DMD: variants seen among roughly 807,000 people sequenced by gnomAD.
DMD encodes the protein dystrophin.
A neutral mutation model predicts 330.1 loss-of-function variants in DMD; 63 were observed. The observed-to-expected ratio is 0.19, with a 90% CI of 0.16 to 0.24. DMD has a LOEUF of 0.24. Among genes scored for constraint, DMD ranks in the 10% least tolerant of loss-of-function variants. DMD has a pLI of 1.00. For missense variants in DMD, 3,344 were observed against 2,684.1 expected, an observed-to-expected ratio of 1.25 and a Z score of -5.43; for synonymous variants, 1,223 against 959.8, an observed-to-expected ratio of 1.27 and a Z score of -5.07.
chrX:32,164,352 T>C (rs1782390516), intron 44 of DMD, among the ~76,000 whole-genome samples: 1 of 111,715 alleles, frequency 9.0e-6, no homozygotes, highest in African/African-American at 3.3e-5. Flanking sequence ...AAAATGCTGA[T>C]AGTGATACGA....
intron 1 of DMD, among the ~76,000 whole-genome samples, chrX:33,031,258 A>C (rs1215801928): frequency 1.8e-5 from 2 of 109,134 alleles, no homozygotes; most frequent in African/African-American, 3.4e-5. Flanking sequence ...TCCCAGGGGC[A>C]ACCCTCAATA....
chrX:31,737,750 T>G (rs1195842145), intron 51 of DMD, among the ~76,000 whole-genome samples: 1 of 111,358 alleles, frequency 9.0e-6, no homozygotes, highest in Non-Finnish European at 1.9e-5. Context: ...TTGAAACAAA[T>G]CAGTGAAGGA....
chrX:32,811,690 A>C (rs755304728), intron 6 of DMD, among the ~76,000 whole-genome samples: 2 of 112,229 alleles, frequency 1.8e-5, no homozygotes, highest in East Asian at 5.6e-4. Context: ...AAGGATTTTA[A>C]ATTTAATGAG....
chrX:32,091,112 AAAG>A (rs1162042137), intron 44 of DMD, among the ~76,000 whole-genome samples: 1 of 111,983 alleles, frequency 8.9e-6, no homozygotes, highest in African/African-American at 3.2e-5. Context: ...GATTTTTTTC[AAAG>A]AAGAGAAGAG....
intron 62 of DMD, among the ~76,000 whole-genome samples, chrX:31,287,135 G>A (rs888999951): frequency 8.0e-5 from 9 of 112,364 alleles, no homozygotes; most frequent in African/African-American, 2.9e-4. Context: ...CACAGCCTAG[G>A]AGGCCTGGGT....
intron 44 of DMD, among the ~76,000 whole-genome samples, chrX:32,003,923 A>G (rs1241442938): frequency 9.0e-6 from 1 of 111,689 alleles, no homozygotes; most frequent in East Asian, 2.8e-4. Context: ...GCCATTTGCT[A>G]AGAAAAATAA....
rs184812592 is a variant in DMD, at chrX:31,434,712, G to A, written c.9084+9769C>T. Among the ~76,000 whole-genome samples, 48 of 111,089 alleles carry A rather than the reference G, an allele frequency of 4.3e-4. No individual in the cohort carries two copies. The South Asian group carries it at 7.6e-3, about 18-fold the overall frequency. ...AATGATTGAACAAAGGAGGATTTCCGTTCACTTCAGCAAGACTTTGATGAT... is the reference window on the plus strand; with the variant it reads ...AATGATTGAACAAAGGAGGATTTCCATTCACTTCAGCAAGACTTTGATGAT... On this transcript the variant is annotated intron_variant, in intron 60 of 78. Coordinates refer to ENST00000357033, the MANE Select transcript of DMD (RefSeq NM_004006.3).
intron 62 of DMD, among the ~76,000 whole-genome samples, chrX:31,298,390 A>AACACACACACACACACACATAC (rs1556458386): frequency 2.5e-5 from 2 of 81,399 alleles, no homozygotes; most frequent in Non-Finnish European, 4.5e-5. Context: ...TTAGAATTCA[A>AACACACACACACACACACATAC]ACACACACAC....
At chrX:31,676,623 A>G (rs760482382) in intron 53 of DMD, among the ~76,000 whole-genome samples, 1 of 111,946 alleles carries the variant, frequency 8.9e-6, no homozygotes, top group East Asian at 2.8e-4. Flanking sequence ...TGGAAGAGGA[A>G]GCCTGTGAGG....
Position 31,662,830 on chromosome X carries a change from T to C in DMD, c.7873-4686A>G, listed in dbSNP as rs150258456. ...AAAATCAAGCAATTGCTCGGAAAAT[T>C]GTAAAACAGGATCCTAATATGCTTA... is the stretch of plus-strand genomic sequence containing the variant. On this transcript the variant is annotated intron_variant, in intron 53 of 78. Transcript: ENST00000357033. Among the ~76,000 whole-genome samples the C allele has an allele frequency of 6.2e-3, 692 of 112,096 alleles. 6 individuals carry two copies. Among genetic ancestry groups the C allele is most frequent in the African/African-American group, 0.021 (651 of 30,923 alleles).
At chrX:32,216,264 T>C (rs1322083734) in intron 44 of DMD, among the ~76,000 whole-genome samples, 1 of 112,018 alleles carries the variant, frequency 8.9e-6, no homozygotes, top group Non-Finnish European at 1.9e-5. Flanking sequence ...AACCAAATTA[T>C]ATCCTGGACA....
chrX:31,741,218 T>TG lies in DMD; in HGVS notation c.7543-11471dup, dbSNP rs1329986879. 6.3e-5 allele frequency among the ~76,000 whole-genome samples: 7 copies of TG among 111,835 alleles called. No homozygotes were observed. The East Asian group carries it at 2.0e-3, about 32-fold the overall frequency. ...TTGGACCCTCAAAGTCATTGATGAG[T>TG]GTTGGAATTAACTACTTCCAAACTC... is the stretch of plus-strand genomic sequence containing the variant. On this transcript the variant is annotated intron_variant, in intron 51 of 78. Transcript: ENST00000357033.
intron 62 of DMD, 40 bp from the exon 63 acceptor site, chrX:31,261,056 A>G (rs766853734): frequency 1.8e-6 from 2 of 1,108,733 alleles, no homozygotes; most frequent in Admixed American, 4.4e-5. Context: ...AGCATTTACA[A>G]TGAGTAGTCA....
chrX:32,346,019 C>T lies in DMD; in HGVS notation c.5510G>A (p.Arg1837Lys), dbSNP rs777546204. 4 of 1,209,571 alleles carry T rather than the reference C, an allele frequency of 3.3e-6. No homozygotes were observed. Among genetic ancestry groups the T allele is most frequent in the Middle Eastern group, 2.3e-4 (1 of 4,338 alleles). ...CTCTCGCTTTCTCTCATCTGTGATTCTTTGTTGTAAGTTGTCTCCTCTTTG... is the reference window on the plus strand; with the variant it reads ...CTCTCGCTTTCTCTCATCTGTGATTTTTTGTTGTAAGTTGTCTCCTCTTTG... ...LLQRGDNLQQ[R>K]ITDERKREEI... The change falls in exon 39 of 79, where the codon AGA becomes AAA. Residue 1837 changes from arginine (R) to lysine (K), a missense_variant. Transcript: ENST00000357033.
intron 44 of DMD, among the ~76,000 whole-genome samples, chrX:32,053,466 G>C (rs1032587568): frequency 9.0e-6 from 1 of 111,060 alleles, no homozygotes; most frequent in Non-Finnish European, 1.9e-5. Context: ...CATCAGAAAA[G>C]GTACATTTCT....
rs1283415329 is a variant in DMD at position 32,213,104 on chromosome X, T to G, written c.6438+3812A>C. ...GTTTATTTCATATCTAAAAGTTATT[T>G]CTTTACTGAAAATTGTACATATGAG... On this transcript the variant is annotated intron_variant, in intron 44 of 78. Coordinates refer to ENST00000357033, the MANE Select transcript of DMD (RefSeq NM_004006.3). 2.7e-5 allele frequency among the ~76,000 whole-genome samples: 3 copies of G among 112,216 alleles called. No individual in the cohort carries two copies. The East Asian group carries it at 8.4e-4, about 31-fold the overall frequency.
intron 1 of DMD, among the ~76,000 whole-genome samples, chrX:33,242,884 C>T (rs983960437): frequency 1.8e-5 from 2 of 112,094 alleles, no homozygotes; most frequent in African/African-American, 6.5e-5. Context: ...TGTTGGCCAT[C>T]TGTAGATCTT....
chrX:33,053,705 T>C (rs1194631473), intron 1 of DMD, among the ~76,000 whole-genome samples: 1 of 111,823 alleles, frequency 8.9e-6, no homozygotes, highest in Non-Finnish European at 1.9e-5. Flanking sequence ...CTAGGTATGT[T>C]CCAAAAAGGA....
chrX:32,322,226 G>T (rs2097620405), intron 41 of DMD, among the ~76,000 whole-genome samples: 1 of 111,327 alleles, frequency 9.0e-6, no homozygotes, highest in Admixed American at 9.6e-5. Context: ...AGCTAAAGAA[G>T]TTATTAATAT....
Sources: gnomAD v4.1 joint callset for allele counts (sites outside exome capture counted in the v4.1 genomes callset) on GRCh38, gnomAD v4.1.1 for gene constraint, MANE v1.5 for transcripts, NCBI Gene and HGNC (gene_info 2026-07-23, HGNC 2026-07-21) for gene names.